SEMA3D: variants seen among roughly 807,000 people sequenced by gnomAD.
SEMA3D encodes semaphorin-3D.
A neutral mutation model predicts 100.1 loss-of-function variants in SEMA3D; 84 were observed. The ratio of observed to expected loss-of-function variants is 0.84; its 90% CI spans 0.70 to 1.01. The LOEUF is 1.01. Ranked by LOEUF, SEMA3D falls within the 50% of genes least tolerant of loss-of-function variation. The probability of loss-of-function intolerance (pLI) is 0.00; values close to 1 mark genes in which losing one functional copy is unlikely to be tolerated. For synonymous variants in SEMA3D, 312 were observed against 320.7 expected (o/e 0.97, Z 0.29); for missense variants, 875 against 934.1 (o/e 0.94, Z 0.82).
rs867088089 is a variant in SEMA3D, at chr7:85,098,962, G to T, written c.152-997C>A. ...TTTGCAGATTGGCTTCTTTCACTTA[G>T]TAATATGCATTTAAGTTTGCTCCAT... On this transcript the variant is annotated intron_variant, in intron 3 of 18. Coordinates refer to ENST00000284136, the MANE Select transcript of SEMA3D (RefSeq NM_001384900.1). Among the ~76,000 whole-genome samples the T allele has an allele frequency of 5.3e-5, 8 of 151,948 alleles. No homozygotes were observed. In the South Asian group the frequency reaches 1.7e-3, roughly 32 times the overall value.
chr7:85,042,941 A>G (rs1790903809), intron 9 of SEMA3D, among the ~76,000 whole-genome samples: 1 of 152,164 alleles, frequency 6.6e-6, no homozygotes, highest in African/African-American at 2.4e-5. Flanking sequence ...ACTGGCTTGT[A>G]TATTATTTAT....
At chr7:85,029,041 G>T in intron 12 of SEMA3D, 1 of 468,212 alleles carries the variant, frequency 2.1e-6, no homozygotes. Context: ...TATTAAAACT[G>T]CTGATGGAGT....
At chr7:85,049,560 C>T (rs565863461) in intron 9 of SEMA3D, among the ~76,000 whole-genome samples, 1 of 151,300 alleles carries the variant, frequency 6.6e-6, no homozygotes, top group East Asian at 1.9e-4. Flanking sequence ...AGGAATTTCT[C>T]AGACAGGAAA....
rs1350811317 is a variant in SEMA3D at position 84,997,053 on chromosome 7, T to C, written c.*2387A>G. On this transcript the variant is annotated 3_prime_UTR_variant, in exon 19 of 19. Coordinates refer to ENST00000284136, the MANE Select transcript of SEMA3D (RefSeq NM_001384900.1). Reference sequence around the variant, plus strand: ...TTACTAATAATATTTTTAATATATTTTAACTAATTATCATAAATCAAGAGT... The same window carrying C: ...TTACTAATAATATTTTTAATATATTCTAACTAATTATCATAAATCAAGAGT... 6.6e-6 allele frequency: 1 copy of C among 151,750 alleles called. No homozygotes were observed. Among genetic ancestry groups the C allele is most frequent in the Admixed American group, 6.6e-5 (1 of 15,238 alleles). The allele number at this position is 151,750 out of a possible 1,614,324, so 9.4% of individuals were successfully genotyped here.
chr7:85,140,338 A>G (rs1334129274), intron 2 of SEMA3D: 1 of 982,004 alleles, frequency 1.0e-6, no homozygotes, highest in Non-Finnish European at 1.2e-6. Context: ...TAGAAATCAT[A>G]TAAGTTAAGG....
rs1346062762 is a variant in SEMA3D at position 85,177,534 on chromosome 7, G to A, written c.-173+9144C>T. Among the ~76,000 whole-genome samples, 5 of 152,214 alleles carry A rather than the reference G, an allele frequency of 3.3e-5. No homozygotes were observed. In the South Asian group the frequency reaches 8.3e-4, roughly 25 times the overall value. On this transcript the variant is annotated intron_variant, in intron 1 of 18. Transcript: ENST00000284136. ...TGAAAACATCTGGCACTGATGTTGT[G>A]TCTTGTCAATATCATTAAAATAGCA...
At chr7:85,143,613 G>A (rs1344268688) in intron 2 of SEMA3D, among the ~76,000 whole-genome samples, 1 of 151,934 alleles carries the variant, frequency 6.6e-6, no homozygotes, top group Non-Finnish European at 1.5e-5. Flanking sequence ...TGTGTAGTCT[G>A]TGAGTTGATG....
At chr7:85,049,054 A>C (rs1344180561) in intron 9 of SEMA3D, among the ~76,000 whole-genome samples, 2 of 151,704 alleles carry the variant, frequency 1.3e-5, no homozygotes, top group Non-Finnish European at 3.0e-5. Context: ...GATTCCCCCC[A>C]AAATTCTTGA....
chr7:85,077,685 C>A (rs1320979641), intron 5 of SEMA3D, among the ~76,000 whole-genome samples: 2 of 151,990 alleles, frequency 1.3e-5, no homozygotes, highest in Admixed American at 1.3e-4. Context: ...TTGTATTAAG[C>A]ATTAAATGTA....
intron 3 of SEMA3D, among the ~76,000 whole-genome samples, chr7:85,109,443 G>T (rs1789026338): frequency 6.6e-6 from 1 of 151,800 alleles, no homozygotes; most frequent in African/African-American, 2.4e-5. Context: ...CACTTCTATT[G>T]CTTCTTCTAC....
intron 12 of SEMA3D, chr7:85,028,929 G>T: frequency 3.7e-6 from 1 of 269,612 alleles, no homozygotes; most frequent in South Asian, 5.0e-5. Context: ...CCCTCATGAA[G>T]CTGTTGCTTA....
At chr7:85,152,360 T>G (rs1790454495) in intron 2 of SEMA3D, among the ~76,000 whole-genome samples, 1 of 152,110 alleles carries the variant, frequency 6.6e-6, no homozygotes, top group Admixed American at 6.6e-5. Context: ...ATCACCAAAT[T>G]AAATTATATG....
At chr7:85,230,974 G>C in the SEMA3D span, among the ~76,000 whole-genome samples, 3 of 152,204 alleles carry the variant, frequency 2.0e-5, no homozygotes, top group Non-Finnish European at 4.4e-5. Flanking sequence ...CCCAGTTCTT[G>C]AACACTTGGG....
intron 18 of SEMA3D, among the ~76,000 whole-genome samples, chr7:85,003,896 T>C (rs1789723664): frequency 1.3e-5 from 2 of 152,148 alleles, no homozygotes; most frequent in African/African-American, 4.8e-5. Flanking sequence ...AATACAGTGA[T>C]TTTTATGTGA....
At chr7:85,071,130 C>T (rs1243766872) in intron 6 of SEMA3D, among the ~76,000 whole-genome samples, 1 of 152,148 alleles carries the variant, frequency 6.6e-6, no homozygotes, top group Non-Finnish European at 1.5e-5. Flanking sequence ...GCGAGTTTGG[C>T]CTTTATCCTT....
intron 12 of SEMA3D, among the ~76,000 whole-genome samples, chr7:85,030,409 G>C (rs1277658872): frequency 6.6e-6 from 1 of 151,886 alleles, no homozygotes; most frequent in Non-Finnish European, 1.5e-5. Context: ...CCACGTGTAA[G>C]CTTTCATCTG....
the SEMA3D span, among the ~76,000 whole-genome samples, chr7:85,224,426 T>G: frequency 6.6e-6 from 1 of 152,162 alleles, no homozygotes; most frequent in Non-Finnish European, 1.5e-5. Flanking sequence ...CTGCATCACA[T>G]CATTTGTTAA....
chr7:85,203,027 G>A, the SEMA3D span, among the ~76,000 whole-genome samples: 1 of 152,196 alleles, frequency 6.6e-6, no homozygotes, highest in East Asian at 1.9e-4. Context: ...GTAAAATGAG[G>A]TAGGACAGAA....
Position 84,999,714 on chromosome 7 carries a change from T to A in SEMA3D, c.2060A>T (p.Glu687Val). 6.2e-7 allele frequency: 1 copy of A among 1,614,080 alleles called. No individual in the cohort carries two copies. Among genetic ancestry groups the A allele is most frequent in the African/African-American group, 1.3e-5 (1 of 75,038 alleles). Reference sequence around the variant, plus strand: ...TGCCCTCTGGGTATTTTCCATCTGTTCATTCTCAATGACATTCAAAGTCAG... The same window carrying A: ...TGCCCTCTGGGTATTTTCCATCTGTACATTCTCAATGACATTCAAAGTCAG... ...VKLTLNVIENEQMENTQRAEH... is the reference protein window; with the variant it reads ...VKLTLNVIENVQMENTQRAEH... The change falls in exon 19 of 19, where the codon GAA becomes GTA. Residue 687 changes from glutamate to valine, a missense_variant. Transcript: ENST00000284136.
Sources: allele counts gnomAD v4.1 joint callset (sites outside exome capture counted in the v4.1 genomes callset), GRCh38; gene constraint gnomAD v4.1.1; transcripts MANE v1.5; gene names NCBI Gene and HGNC (gene_info 2026-07-23, HGNC 2026-07-21).